The following HEATR5B variants were observed in gnomAD, a reference collection of about 807,000 sequenced individuals.
HEATR5B encodes the protein HEAT repeat containing 5B, also known as HEAT repeat-containing protein 5B.
HEATR5B carries 156 observed loss-of-function variants against 224.1 expected under a neutral mutation model. The observed-to-expected ratio is 0.70, with a 90% confidence interval of 0.61 to 0.80. The LOEUF (loss-of-function observed/expected upper bound fraction) is 0.80, where lower values mean the gene tolerates loss of function less well. Ranked by LOEUF, HEATR5B falls within the 30% of genes least tolerant of loss-of-function variation. The pLI is 0.00. For synonymous variants in HEATR5B, 1,027 were observed against 893.0 expected (o/e 1.15, Z -2.68); for missense variants, 2,323 against 2,535.5 (o/e 0.92, Z 1.80).
At chr2:37,075,952 A>G (rs1364359971) in intron 4 of HEATR5B, 1 of 163,868 alleles carries the variant, frequency 6.1e-6, no homozygotes, top group Non-Finnish European at 1.3e-5. Context: ...TATATAAAAT[A>G]TTTCAGAACG....
Position 36,984,215 on chromosome 2 carries a change from A to AAAAAAAAAAAAAAAAT in HEATR5B, c.5912-2422_5912-2421insATTTTTTTTTTTTTTT. On this transcript the variant is annotated intron_variant, in intron 35 of 35. Transcript: ENST00000233099. ...AACTCTGTCTCAAAAAAAAAAAAAA[A>AAAAAAAAAAAAAAAAT]ATATATATATATATATATATATAAA... Among the ~76,000 whole-genome samples, 30 of 77,628 alleles carry AAAAAAAAAAAAAAAAT rather than the reference A, an allele frequency of 3.9e-4. 1 individual carries two copies. Among genetic ancestry groups the AAAAAAAAAAAAAAAAT allele is most frequent in the African/African-American group, 1.8e-3 (30 of 17,038 alleles). 50.9% of individuals were successfully genotyped at this position (77,628 alleles called of 152,430 possible).
chr2:37,047,719 G>A (rs981017841), intron 18 of HEATR5B, among the ~76,000 whole-genome samples: 4 of 152,100 alleles, frequency 2.6e-5, no homozygotes, highest in African/African-American at 9.7e-5. Flanking sequence ...ATTTCAATGT[G>A]CAAATATACA....
chr2:37,005,553 A>C, intron 30 of HEATR5B, 79 bp downstream of exon 30: 1 of 1,371,356 alleles, frequency 7.3e-7, no homozygotes, highest in Non-Finnish European at 1.0e-6. Flanking sequence ...ATACAGAAAA[A>C]AAATCCATCC....
chr2:37,058,785 TTA>T, intron 13 of HEATR5B, 101 bp downstream of exon 13: 1 of 765,138 alleles, frequency 1.3e-6, no homozygotes, highest in Non-Finnish European at 2.1e-6. Flanking sequence ...AAATAAAGTT[TTA>T]TGTTTCCTAG....
chr2:37,034,612 CAAAAAAAAAA>C (rs772823865), intron 21 of HEATR5B, among the ~76,000 whole-genome samples: 4 of 30,580 alleles, frequency 1.3e-4, no homozygotes, highest in South Asian at 2.0e-3. Flanking sequence ...GACTCTGTCT[CAAAAAAAAAA>C]AAAAAAAAAA....
At chr2:37,036,505 AAATATC>A (rs1669483381) in intron 21 of HEATR5B, among the ~76,000 whole-genome samples, 1 of 126,196 alleles carries the variant, frequency 7.9e-6, no homozygotes, top group African/African-American at 3.5e-5. Context: ...ATCACACCTT[AAATATC>A]AATTGTTTTT....
chr2:37,053,048 T>G (rs1380771429), intron 17 of HEATR5B, among the ~76,000 whole-genome samples: 1 of 152,108 alleles, frequency 6.6e-6, no homozygotes, highest in African/African-American at 2.4e-5. Flanking sequence ...CGAAAAAGGT[T>G]AAAAAAGTTT....
At chr2:37,059,917 C>T (rs780313637) in intron 12 of HEATR5B, among the ~76,000 whole-genome samples, 1 of 152,070 alleles carries the variant, frequency 6.6e-6, no homozygotes, top group Admixed American at 6.6e-5. Flanking sequence ...AGTAAAGGTG[C>T]CCCCTTGCCT....
At chr2:37,074,099 A>T (rs573812262) in intron 5 of HEATR5B, among the ~76,000 whole-genome samples, 221 of 152,290 alleles carry the variant, frequency 1.5e-3, no homozygotes, top group African/African-American at 5.2e-3. Flanking sequence ...AGGTGGGCGG[A>T]TCACGAGGTC....
Position 37,059,406 on chromosome 2 carries a change from A to G in HEATR5B, c.1850-419T>C, listed in dbSNP as rs866249999. On this transcript the variant is annotated intron_variant, in intron 12 of 35. Transcript: ENST00000233099. Reference sequence around the variant, plus strand: ...GCAACTTTTACAGATATATATGTATATGTGTGTGTGTGTGTGTGTGTGTGT... The same window carrying G: ...GCAACTTTTACAGATATATATGTATGTGTGTGTGTGTGTGTGTGTGTGTGT... Among the ~76,000 whole-genome samples, 176 of 100,230 alleles carry G rather than the reference A, an allele frequency of 1.8e-3. 1 individual carries two copies. The highest frequency in any genetic ancestry group is 4.8e-3 in the African/African-American group (119 of 24,740). 65.8% of individuals were successfully genotyped at this position (100,230 alleles called of 152,430 possible).
chr2:37,059,819 T>C (rs1038787353), intron 12 of HEATR5B, among the ~76,000 whole-genome samples: 5 of 152,100 alleles, frequency 3.3e-5, no homozygotes, highest in African/African-American at 1.2e-4. Flanking sequence ...TATATGTATA[T>C]AAACAAAAAT....
At chr2:37,023,294 G>A (rs777475324) in intron 24 of HEATR5B, among the ~76,000 whole-genome samples, 1 of 152,062 alleles carries the variant, frequency 6.6e-6, no homozygotes, top group African/African-American at 2.4e-5. Flanking sequence ...TTCTTCAGGA[G>A]GCTTCAAAAC....
chr2:37,082,521 C>T (rs1468388618), intron 2 of HEATR5B, among the ~76,000 whole-genome samples: 2 of 152,166 alleles, frequency 1.3e-5, no homozygotes. Flanking sequence ...TAACGAAACC[C>T]GAATGAGGGC....
At chr2:37,013,768 A>G (rs1667940699) in intron 27 of HEATR5B, 73 bp downstream of exon 27, 1 of 1,341,348 alleles carries the variant, frequency 7.5e-7, no homozygotes, top group Admixed American at 2.6e-5. Flanking sequence ...TTTTTTACCA[A>G]CAAGAGTAGA....
chr2:37,077,605 G>C (rs1301376055), intron 3 of HEATR5B, among the ~76,000 whole-genome samples: 1 of 152,198 alleles, frequency 6.6e-6, no homozygotes, highest in African/African-American at 2.4e-5. Context: ...ACAGCGCCCG[G>C]CCCCTAAGCT....
intron 32 of HEATR5B, 57 bp from the exon 33 acceptor site, chr2:37,000,870 G>A: frequency 8.7e-7 from 1 of 1,150,294 alleles, no homozygotes; most frequent in African/African-American, 1.5e-5. Context: ...TATTATAGTT[G>A]TTTTCATTGC....
intron 30 of HEATR5B, 120 bp downstream of exon 30, chr2:37,005,512 G>A (rs1667353873): frequency 4.7e-6 from 4 of 852,676 alleles, no homozygotes; most frequent in East Asian, 5.1e-5. Flanking sequence ...CAGGGAGTCA[G>A]TGTATTCATA....
At position 37,049,742 on chromosome 2, in the gene HEATR5B, A is replaced by G. The variant is rs1269485570; in HGVS notation, c.2607T>C (p.Arg869=). Reference sequence around the variant, plus strand: ...TTCCAAGAGCTTCCCCCGCTGCACAACGTAAGATGGGGTTTGGGTTGTCCA... The same window carrying G: ...TTCCAAGAGCTTCCCCCGCTGCACAGCGTAAGATGGGGTTTGGGTTGTCCA... ...GPLDNPNPIL[R]CAAGEALGRM... Residue 869 remains arginine, a synonymous_variant, in exon 18 of 36, where the codon CGT becomes CGC. Coordinates refer to ENST00000233099, the MANE Select transcript of HEATR5B (RefSeq NM_019024.3). The G allele has an allele frequency of 1.8e-5, 29 of 1,613,536 alleles. No individual in the cohort carries two copies. The highest frequency in any genetic ancestry group is 2.4e-5 in the Non-Finnish European group (28 of 1,179,960).
chr2:37,047,451 C>G (rs997033986), intron 18 of HEATR5B, among the ~76,000 whole-genome samples: 3 of 152,106 alleles, frequency 2.0e-5, no homozygotes, highest in African/African-American at 7.2e-5. Flanking sequence ...GGTTAGTGAA[C>G]CTAAAGCAGA....
Sources: gnomAD v4.1 joint callset for allele counts (sites outside exome capture counted in the v4.1 genomes callset) on GRCh38, gnomAD v4.1.1 for gene constraint, MANE v1.5 for transcripts, NCBI Gene and HGNC (gene_info 2026-07-23, HGNC 2026-07-21) for gene names.